The following BRD8 variants were observed in gnomAD, a reference collection of about 807,000 sequenced individuals.
BRD8 encodes the protein bromodomain-containing protein 8.
A neutral mutation model predicts 143.1 loss-of-function variants in BRD8; 67 were observed. That is an observed-to-expected ratio of 0.47 (90% CI 0.38 to 0.57). The LOEUF (loss-of-function observed/expected upper bound fraction) is 0.57. Among genes scored for constraint, BRD8 ranks in the 20% least tolerant of loss-of-function variants. BRD8 has a pLI of 0.00. For synonymous variants in BRD8, 505 were observed against 517.1 expected, an observed-to-expected ratio of 0.98 and a Z score of 0.32; for missense variants, 1,103 against 1,503.0, an observed-to-expected ratio of 0.73 and a Z score of 4.40.
At chr5:138,151,948 A>G in intron 21 of BRD8, among the ~76,000 whole-genome samples, 1 of 149,970 alleles carries the variant, frequency 6.7e-6, no homozygotes. Flanking sequence ...TCCGCCTCTC[A>G]GGTTCAAGTG....
At chr5:138,164,229 C>T in intron 13 of BRD8, 91 bp downstream of exon 13, 3 of 1,568,910 alleles carry the variant, frequency 1.9e-6, no homozygotes, top group Admixed American at 3.3e-5. Flanking sequence ...TACATGCTGA[C>T]CTGTTCTACC....
chr5:138,168,920 C>T (rs1302848843), intron 8 of BRD8, among the ~76,000 whole-genome samples: 2 of 152,166 alleles, frequency 1.3e-5, no homozygotes, highest in African/African-American at 4.8e-5. Context: ...TTTATGAACT[C>T]CTTACCCACT....
intron 23 of BRD8, among the ~76,000 whole-genome samples, chr5:138,149,171 G>C (rs1752281190): frequency 6.6e-6 from 1 of 151,286 alleles, no homozygotes; most frequent in Admixed American, 6.6e-5. Context: ...AGAGTACAGT[G>C]GCACAATCAT....
chr5:138,168,098 G>A lies in BRD8; in HGVS notation c.643-20C>T. The A allele has an allele frequency of 1.9e-6, 3 of 1,595,512 alleles. No homozygotes were observed. The highest frequency in any genetic ancestry group is 2.6e-6 in the Non-Finnish European group (3 of 1,168,056). On this transcript the variant is annotated intron_variant, in intron 8 of 26. Transcript: ENST00000254900. ...ATTGACCTACCAGGGAAGAATAGAGGTGAAGGCTACACTCAAGCTTTCCTT... is the reference window on the plus strand; with the variant it reads ...ATTGACCTACCAGGGAAGAATAGAGATGAAGGCTACACTCAAGCTTTCCTT...
At chr5:138,170,475 T>A (rs373923137) in intron 6 of BRD8, 66 bp from the exon 7 acceptor site, 12 of 1,578,014 alleles carry the variant, frequency 7.6e-6, no homozygotes, top group South Asian at 4.4e-5. Context: ...CACAGAACCC[T>A]TACAAAGTAA....
intron 14 of BRD8, 94 bp from the exon 15 acceptor site, chr5:138,163,438 C>G: frequency 6.8e-7 from 1 of 1,463,104 alleles, no homozygotes; most frequent in Non-Finnish European, 9.4e-7. Flanking sequence ...AGAATTAGTT[C>G]TAGAAATGAC....
rs571968530 is a variant in BRD8 at position 138,140,130 on chromosome 5, T to A, written c.3652A>T (p.Ser1218Cys). 6.2e-7 allele frequency: 1 copy of A among 1,613,974 alleles called. No homozygotes were observed. Among genetic ancestry groups the A allele is most frequent in the East Asian group, 2.2e-5 (1 of 44,862 alleles). ...NIWLDKRKGS[S>C]SLEGEPANPV... is the part of the protein sequence containing the mutation. ...TTAGCTGGTTCTCCTTCCAGACTAC[T>A]TGAGCCTTTTCTTTTGTCTAACCAG... The change falls in exon 27 of 27, where the codon AGT becomes TGT. Residue 1218 changes from serine to cysteine, a missense_variant. By Grantham distance (112) the Ser-to-Cys change is moderately radical (BLOSUM62 -1). This residue lies in a region of BRD8 where 369 missense variants were observed against 445.5 expected (regional missense o/e 0.83). Transcript: ENST00000254900.
chr5:138,164,050 T>A (rs770647264), intron 14 of BRD8, 37 bp downstream of exon 14: 3 of 1,596,714 alleles, frequency 1.9e-6, no homozygotes. Flanking sequence ...GGAAATCTAA[T>A]CACATGGCAA....
intron 17 of BRD8, 50 bp downstream of exon 17, chr5:138,161,746 G>A (rs1472411179): frequency 6.4e-7 from 1 of 1,572,376 alleles, no homozygotes; most frequent in East Asian, 2.3e-5. Context: ...ACTAAGACTG[G>A]ACAATTTATA....
In BRD8 at chr5:138,167,983, C is replaced by T. The variant is rs746110387; in HGVS notation, c.738G>A (p.Gly246=). 6.8e-6 allele frequency: 11 copies of T among 1,613,408 alleles called. No homozygotes were observed. The South Asian group carries it at 9.9e-5, about 14-fold the overall frequency. Residue 246 remains glycine, a synonymous_variant, in exon 9 of 27, where the codon GGG becomes GGA. Coordinates refer to ENST00000254900, the MANE Select transcript of BRD8 (RefSeq NM_139199.2). The part of the protein sequence containing the change: ...VGGVLPMIHG[G]EIQQTPNTVA... ...CAGTATTGGGTGTTTGCTGTATCTCCCCACCATGTATCATGGGAAGGACCC... is the reference window on the plus strand; with the variant it reads ...CAGTATTGGGTGTTTGCTGTATCTCTCCACCATGTATCATGGGAAGGACCC...
At position 138,167,723 on chromosome 5, in the gene BRD8, G is replaced by A. The variant is rs186015218; in HGVS notation, c.787+211C>T. The A allele has an allele frequency of 3.4e-4, 182 of 537,424 alleles. No homozygotes were observed. The East Asian group carries it at 5.7e-3, about 17-fold the overall frequency. The allele number at this position is 537,424 out of a possible 1,614,324, so 33.3% of individuals were successfully genotyped here. On this transcript the variant is annotated intron_variant, in intron 9 of 26. Coordinates refer to ENST00000254900, the MANE Select transcript of BRD8 (RefSeq NM_139199.2). ...CAATATTACTCTCAATATCCATGCT[G>A]TGGTCAATCAGGGCTATCACTATCT...
intron 8 of BRD8, chr5:138,168,421 C>A (rs756606086): frequency 1.5e-6 from 2 of 1,332,068 alleles, no homozygotes; most frequent in Non-Finnish European, 2.1e-6. Context: ...CACTCCCTTC[C>A]AAGTACTAAA....
In BRD8 at chr5:138,177,652, C is replaced by T. The variant is rs1373681550; in HGVS notation, c.35G>A (p.Ser12Asn). 4.4e-6 allele frequency: 7 copies of T among 1,577,510 alleles called. No individual in the cohort carries two copies. The South Asian group carries it at 7.8e-5, about 18-fold the overall frequency. ...ATGTGKHKLL[S>N]TGPTEPWSIR... Reference sequence around the variant, plus strand: ...GGACCATGGCTCTGTGGGGCCAGTGCTTAGCAGCTTGTGTTCTGGGAAAGG... The same window carrying T: ...GGACCATGGCTCTGTGGGGCCAGTGTTTAGCAGCTTGTGTTCTGGGAAAGG... The change falls in exon 2 of 27, where the codon AGC (serine) becomes AAC (asparagine). Residue 12 changes from serine (S) to asparagine (N), a missense_variant. By Grantham distance (46) the Ser-to-Asn change is conservative (BLOSUM62 1). This residue lies in a region of BRD8 where 69 missense variants were observed against 121.6 expected (regional missense o/e 0.57). Coordinates refer to ENST00000254900, the MANE Select transcript of BRD8 (RefSeq NM_139199.2).
At chr5:138,159,505 G>A (rs1752839746) in intron 20 of BRD8, 50 bp downstream of exon 20, 2 of 1,592,814 alleles carry the variant, frequency 1.3e-6, no homozygotes, top group Non-Finnish European at 1.7e-6. Context: ...CCCATTAAGA[G>A]CTGAGAATCT....
At chr5:138,144,015 G>A (rs1752030387) in intron 25 of BRD8, among the ~76,000 whole-genome samples, 1 of 152,174 alleles carries the variant, frequency 6.6e-6, no homozygotes, top group Non-Finnish European at 1.5e-5. Context: ...CACTCTTTGG[G>A]TCCGCACTAC....
Position 138,145,806 on chromosome 5 carries a change from C to T in BRD8, c.3351G>A (p.Lys1117=), listed in dbSNP as rs369011132. Residue 1117 remains lysine, a synonymous_variant, in exon 24 of 27, where the codon AAG becomes AAA. Transcript: ENST00000254900. ...AGACCTACCTGTGACTGGCAATCAT[C>T]TTCCAGACTGGCAGGAGAGTCTTCT... ...LFKKTLLPVW[K]MIASHRFSSP... 6.2e-7 allele frequency: 1 copy of T among 1,614,040 alleles called. No individual in the cohort carries two copies. The highest frequency in any genetic ancestry group is 1.7e-5 in the Admixed American group (1 of 60,032).
chr5:138,163,785 TA>T, intron 14 of BRD8: 2 of 666,648 alleles, frequency 3.0e-6, no homozygotes, highest in Non-Finnish European at 4.7e-6. Flanking sequence ...TTGGATAGTC[TA>T]ATTAATAAAC....
At chr5:138,158,831 A>G (rs1025511534) in intron 20 of BRD8, among the ~76,000 whole-genome samples, 2 of 151,592 alleles carry the variant, frequency 1.3e-5, no homozygotes, top group Non-Finnish European at 2.9e-5. Context: ...AATGGTATGA[A>G]CAGTGCAGCC....
chr5:138,157,121 C>A, intron 20 of BRD8: 1 of 1,594,554 alleles, frequency 6.3e-7, no homozygotes, highest in Non-Finnish European at 8.5e-7. Context: ...TCTGTAACTT[C>A]CACCTCTGGA....
Sources: allele counts gnomAD v4.1 joint callset (sites outside exome capture counted in the v4.1 genomes callset), GRCh38; gene constraint gnomAD v4.1.1; regional missense constraint gnomAD v4.1.1; transcripts MANE v1.5; gene names NCBI Gene and HGNC (gene_info 2026-07-23, HGNC 2026-07-21).